The following SPHKAP variants were observed in gnomAD, a reference collection of about 807,000 sequenced individuals.
SPHKAP encodes A-kinase anchor protein SPHKAP.
Under a neutral mutation model 137.5 loss-of-function variants are expected in SPHKAP, and 67 were observed. The observed-to-expected ratio is 0.49, with a 90% confidence interval of 0.40 to 0.60. The LOEUF (loss-of-function observed/expected upper bound fraction) is 0.60. Ranked by LOEUF, SPHKAP falls within the 20% of genes least tolerant of loss-of-function variation. SPHKAP has a pLI of 0.00. For synonymous variants in SPHKAP, 813 were observed against 785.3 expected (o/e 1.04, Z -0.59); for missense variants, 2,097 against 2,069.3 (o/e 1.01, Z -0.26).
Position 227,991,149 on chromosome 2 carries a change from G to T in SPHKAP, c.4810C>A (p.Pro1604Thr). ...ASGPPTGTAS[P>T]QRSLLVINFD... ...TTGATCACCAGCAGGCTCCTCTGGGGGCTGGCTGTTCCCGTAGGCGGTCCA... is the reference window on the plus strand; with the variant it reads ...TTGATCACCAGCAGGCTCCTCTGGGTGCTGGCTGTTCCCGTAGGCGGTCCA... The change falls in exon 11 of 12, where the codon CCC (proline) becomes ACC (threonine). Residue 1604 changes from proline (P) to threonine (T), a missense_variant. Pro to Thr is a conservative substitution (Grantham distance 38). Coordinates refer to ENST00000392056, the MANE Select transcript of SPHKAP (RefSeq NM_001142644.2). The T allele has an allele frequency of 6.2e-7, 1 of 1,614,080 alleles. No individual in the cohort carries two copies. Among genetic ancestry groups the T allele is most frequent in the Non-Finnish European group, 8.5e-7 (1 of 1,180,006 alleles).
chr2:228,135,046 G>C (rs1352662431), intron 1 of SPHKAP, among the ~76,000 whole-genome samples: 2 of 152,086 alleles, frequency 1.3e-5, no homozygotes, highest in Non-Finnish European at 2.9e-5. Flanking sequence ...AGGCTGAGGT[G>C]GGTGGATCAC....
intron 1 of SPHKAP, among the ~76,000 whole-genome samples, chr2:228,165,789 A>C (rs1700406207): frequency 6.6e-6 from 1 of 152,348 alleles, no homozygotes; most frequent in South Asian, 2.1e-4. Flanking sequence ...AATGTACTGA[A>C]CATTTAACAA....
intron 3 of SPHKAP, among the ~76,000 whole-genome samples, chr2:228,036,398 G>A (rs1318420300): frequency 3.9e-5 from 6 of 152,104 alleles, no homozygotes; most frequent in Non-Finnish European, 8.8e-5. Flanking sequence ...TGCTGGAGAG[G>A]ATGTGGAGAA....
At chr2:228,006,501 C>A (rs1224144205) in intron 7 of SPHKAP, among the ~76,000 whole-genome samples, 1 of 152,134 alleles carries the variant, frequency 6.6e-6, no homozygotes, top group South Asian at 2.1e-4. Flanking sequence ...TCCTTTAGCT[C>A]GGAGAAGTTT....
chr2:228,130,198 C>A (rs1176912985), intron 2 of SPHKAP, among the ~76,000 whole-genome samples: 1 of 152,150 alleles, frequency 6.6e-6, no homozygotes, highest in African/African-American at 2.4e-5. Context: ...GTGACCACCT[C>A]TTTTCCAGGG....
intron 1 of SPHKAP, among the ~76,000 whole-genome samples, chr2:228,157,251 G>GAGT (rs1700133346): frequency 6.6e-6 from 1 of 152,236 alleles, no homozygotes; most frequent in Admixed American, 6.5e-5. Flanking sequence ...AACACATTCA[G>GAGT]AGTAGTCAAC....
At chr2:228,074,213 A>G (rs558710187) in intron 3 of SPHKAP, among the ~76,000 whole-genome samples, 7 of 152,360 alleles carry the variant, frequency 4.6e-5, no homozygotes, top group African/African-American at 1.7e-4. Context: ...GTGATTAAAA[A>G]GTGTGTTCAA....
chr2:228,052,948 T>C (rs1236571487), intron 3 of SPHKAP, among the ~76,000 whole-genome samples: 18 of 152,324 alleles, frequency 1.2e-4, no homozygotes, highest in Non-Finnish European at 2.6e-4. Flanking sequence ...CTATAGTCTG[T>C]ATAGTAAGAG....
rs560912817 is a variant in SPHKAP at position 228,127,521 on chromosome 2, T to C, written c.138+4459A>G. Among the ~76,000 whole-genome samples the C allele has an allele frequency of 2.0e-5, 3 of 152,298 alleles. No homozygotes were observed. In the South Asian group the frequency reaches 6.2e-4, roughly 32 times the overall value. Reference sequence around the variant, plus strand: ...TGTAAGCTTGACAGAATATTTGAAATGAAATGAATGTGCTATAAATATTAA... The same window carrying C: ...TGTAAGCTTGACAGAATATTTGAAACGAAATGAATGTGCTATAAATATTAA... On this transcript the variant is annotated intron_variant, in intron 2 of 11. Transcript: ENST00000392056.
chr2:228,072,889 C>T (rs562849391), intron 3 of SPHKAP, among the ~76,000 whole-genome samples: 1 of 152,308 alleles, frequency 6.6e-6, no homozygotes, highest in South Asian at 2.1e-4. Flanking sequence ...CAGCTGATGC[C>T]CTGTGGAGCC....
At chr2:228,150,934 T>TTTA (rs1290342586) in intron 1 of SPHKAP, among the ~76,000 whole-genome samples, 4 of 151,494 alleles carry the variant, frequency 2.6e-5, no homozygotes, top group South Asian at 2.1e-4. Flanking sequence ...ATTTATTTAT[T>TTTA]TTATTATTAT....
intron 3 of SPHKAP, among the ~76,000 whole-genome samples, chr2:228,074,941 C>A (rs1245396681): frequency 6.6e-6 from 1 of 151,610 alleles, no homozygotes; most frequent in Non-Finnish European, 1.5e-5. Context: ...CATGAGATAC[C>A]CAATGTTATA....
At chr2:228,083,964 G>A (rs2106318230) in intron 3 of SPHKAP, among the ~76,000 whole-genome samples, 1 of 152,140 alleles carries the variant, frequency 6.6e-6, no homozygotes, top group African/African-American at 2.4e-5. Context: ...GAGGGCATTA[G>A]GACAAATATC....
intron 1 of SPHKAP, among the ~76,000 whole-genome samples, chr2:228,134,140 G>GAGAA (rs10624942): frequency 0.75 from 107,385 of 143,900 alleles, 40,127 homozygotes; most frequent in East Asian, 0.78. Context: ...GAAAGAGAAA[G>GAGAA]AGAAAGAAAG....
At chr2:228,102,055 T>C (rs1574850822) in intron 3 of SPHKAP, among the ~76,000 whole-genome samples, 2 of 152,210 alleles carry the variant, frequency 1.3e-5, no homozygotes, top group African/African-American at 2.4e-5. Context: ...AAATAAATGG[T>C]ATAATAGTTA....
In SPHKAP at chr2:228,052,190, G is replaced by GA. The variant is rs376532682; in HGVS notation, c.247-24648dup. ...GGGGATTTTCCAGAAAGAACAAAAA[G>GA]AAAAAAAAAAGAGGAAATAATAAAA... is the stretch of plus-strand genomic sequence containing the variant. On this transcript the variant is annotated intron_variant, in intron 3 of 11. Transcript: ENST00000392056. Among the ~76,000 whole-genome samples the GA allele has an allele frequency of 3.1e-3, 432 of 140,366 alleles. 3 individuals carry two copies. The highest frequency in any genetic ancestry group is 0.012 in the South Asian group (54 of 4,470). 92.1% of individuals were successfully genotyped at this position (140,366 alleles called of 152,430 possible).
In SPHKAP at chr2:228,072,419, G is replaced by T. The variant is rs548937107; in HGVS notation, c.246+36413C>A. Among the ~76,000 whole-genome samples, 4 of 152,114 alleles carry T rather than the reference G, an allele frequency of 2.6e-5. No homozygotes were observed. The South Asian group carries it at 8.3e-4, about 32-fold the overall frequency. ...ACCCGAGAAGATGAGTTTTATTCATGCTAGACCAGACACATTGAGAAGCTA... is the reference window on the plus strand; with the variant it reads ...ACCCGAGAAGATGAGTTTTATTCATTCTAGACCAGACACATTGAGAAGCTA... On this transcript the variant is annotated intron_variant, in intron 3 of 11. Transcript: ENST00000392056.
intron 2 of SPHKAP, among the ~76,000 whole-genome samples, chr2:228,131,507 T>C (rs1699249694): frequency 6.6e-6 from 1 of 151,682 alleles, no homozygotes; most frequent in Admixed American, 6.6e-5. Context: ...TTATATCAGC[T>C]CTTAAGTCTA....
At chr2:228,108,801 A>G in intron 3 of SPHKAP, 31 bp downstream of exon 3, 1 of 1,533,962 alleles carries the variant, frequency 6.5e-7, no homozygotes, top group Non-Finnish European at 8.9e-7. Context: ...CTGCTTTATC[A>G]GACAACATCC....
Sources: allele counts gnomAD v4.1 joint callset (sites outside exome capture counted in the v4.1 genomes callset), GRCh38; gene constraint gnomAD v4.1.1; transcripts MANE v1.5; gene names NCBI Gene and HGNC (gene_info 2026-07-23, HGNC 2026-07-21).